AGBL4: variants seen among roughly 807,000 people sequenced by gnomAD.
The protein encoded by AGBL4 is AGBL carboxypeptidase 4.
AGBL4 carries 58 observed loss-of-function variants against 66.4 expected under a neutral mutation model. The observed-to-expected ratio is 0.87, with a 90% confidence interval of 0.71 to 1.09. The LOEUF is 1.09. Among genes scored for constraint, AGBL4 ranks in the 50% least tolerant of loss-of-function variants. The pLI is 0.00. For synonymous variants in AGBL4, 234 were observed against 222.9 expected (o/e 1.05, Z -0.44); for missense variants, 579 against 631.0 (o/e 0.92, Z 0.88).
intron 4 of AGBL4, among the ~76,000 whole-genome samples, chr1:49,233,330 G>A (rs1215592574): frequency 6.6e-6 from 1 of 152,136 alleles, no homozygotes; most frequent in African/African-American, 2.4e-5. Context: ...CTAATTGAAA[G>A]ACAATTCAAG....
intron 8 of AGBL4, among the ~76,000 whole-genome samples, chr1:48,647,148 G>C (rs1207640873): frequency 1.3e-5 from 2 of 152,200 alleles, no homozygotes; most frequent in Non-Finnish European, 2.9e-5. Flanking sequence ...ATGATGGAGA[G>C]AGTCTGCAGA....
chr1:49,593,783 A>G (rs1644799829), intron 3 of AGBL4, among the ~76,000 whole-genome samples: 1 of 152,222 alleles, frequency 6.6e-6, no homozygotes, highest in South Asian at 2.1e-4. Flanking sequence ...AATATCCTTC[A>G]AAGAGTGCCT....
chr1:49,465,102 A>G (rs1293266752), intron 3 of AGBL4, among the ~76,000 whole-genome samples: 3 of 151,616 alleles, frequency 2.0e-5, no homozygotes, highest in Non-Finnish European at 2.9e-5. Flanking sequence ...TGGGTGAGGT[A>G]CATACACTGT....
At chr1:48,542,977 A>C (rs535782140) in intron 11 of AGBL4, among the ~76,000 whole-genome samples, 1 of 152,320 alleles carries the variant, frequency 6.6e-6, no homozygotes, top group South Asian at 2.1e-4. Context: ...AACCCAATGA[A>C]GTAGGTATAT....
At chr1:49,947,989 T>TATAA (rs1655440801) in intron 1 of AGBL4, among the ~76,000 whole-genome samples, 1 of 61,512 alleles carries the variant, frequency 1.6e-5, no homozygotes, top group African/African-American at 7.6e-5. Flanking sequence ...AATATATATT[T>TATAA]ATATATATAA....
chr1:48,698,824 AT>A (rs1475526063), intron 6 of AGBL4, among the ~76,000 whole-genome samples: 6 of 152,204 alleles, frequency 3.9e-5, no homozygotes, highest in Non-Finnish European at 1.5e-5. Flanking sequence ...ATAGATGAGA[AT>A]GCTAAGGCCC....
At chr1:49,761,745 T>C (rs1187940769) in intron 2 of AGBL4, among the ~76,000 whole-genome samples, 1 of 152,204 alleles carries the variant, frequency 6.6e-6, no homozygotes, top group African/African-American at 2.4e-5. Context: ...AAATATATAA[T>C]GCTTTACTGT....
chr1:49,717,242 G>A (rs1648219856), intron 2 of AGBL4, among the ~76,000 whole-genome samples: 1 of 152,068 alleles, frequency 6.6e-6, no homozygotes, highest in Non-Finnish European at 1.5e-5. Flanking sequence ...CATGCTTATG[G>A]ATAGGAAGAA....
At chr1:49,596,027 G>T (rs1175815634) in intron 3 of AGBL4, among the ~76,000 whole-genome samples, 1 of 152,080 alleles carries the variant, frequency 6.6e-6, no homozygotes, top group Non-Finnish European at 1.5e-5. Flanking sequence ...GTTATTGTAT[G>T]AGAGAGGCAG....
chr1:49,474,387 G>A (rs1051895087), intron 3 of AGBL4, among the ~76,000 whole-genome samples: 3 of 151,748 alleles, frequency 2.0e-5, no homozygotes, highest in African/African-American at 7.3e-5. Context: ...TGTGTAAATT[G>A]TAAATGGGAT....
intron 5 of AGBL4, among the ~76,000 whole-genome samples, chr1:49,005,715 C>G (rs1661735593): frequency 6.6e-6 from 1 of 152,130 alleles, no homozygotes; most frequent in African/African-American, 2.4e-5. Context: ...TGGTTTCAGA[C>G]ATTCACTGAG....
At chr1:49,551,978 A>C (rs1652993080) in intron 3 of AGBL4, among the ~76,000 whole-genome samples, 2 of 152,050 alleles carry the variant, frequency 1.3e-5, no homozygotes, top group Admixed American at 6.5e-5. Flanking sequence ...TGCAGCTGCT[A>C]TGGGGGATGG....
At chr1:48,576,310 C>A (rs1216673126) in intron 11 of AGBL4, among the ~76,000 whole-genome samples, 3 of 152,170 alleles carry the variant, frequency 2.0e-5, no homozygotes, top group African/African-American at 4.8e-5. Flanking sequence ...TGAGGTGGAA[C>A]AGTTTCATCC....
intron 6 of AGBL4, among the ~76,000 whole-genome samples, chr1:48,721,844 C>T (rs946122811): frequency 6.6e-6 from 1 of 152,164 alleles, no homozygotes; most frequent in Non-Finnish European, 1.5e-5. Flanking sequence ...TGGATTGGGC[C>T]CCAGTCTCCT....
intron 1 of AGBL4, among the ~76,000 whole-genome samples, chr1:50,016,574 A>G (rs1280693709): frequency 6.6e-6 from 1 of 152,174 alleles, no homozygotes; most frequent in Non-Finnish European, 1.5e-5. Context: ...AAAATAATAA[A>G]TAAAAATAAT....
rs1645752740 is a variant in AGBL4 at position 48,799,010 on chromosome 1, G to T, written c.634+68181C>A. Among the ~76,000 whole-genome samples the T allele has an allele frequency of 2.0e-5, 3 of 152,112 alleles. No individual in the cohort carries two copies. In the South Asian group the frequency reaches 6.2e-4, roughly 32 times the overall value. The stretch of plus-strand genomic sequence containing the variant: ...CTTTGACTACGCAGGCTCTTTTTTG[G>T]TTCCATATGAATTTTAGGATTGTTT... On this transcript the variant is annotated intron_variant, in intron 6 of 13. Transcript: ENST00000371839.
At chr1:48,985,554 G>A (rs1660119712) in intron 5 of AGBL4, among the ~76,000 whole-genome samples, 1 of 152,124 alleles carries the variant, frequency 6.6e-6, no homozygotes, top group Non-Finnish European at 1.5e-5. Flanking sequence ...TCAGAAGGAA[G>A]GGACTGGCCT....
At chr1:49,006,752 C>A (rs1418874997) in intron 5 of AGBL4, among the ~76,000 whole-genome samples, 126 of 152,006 alleles carry the variant, frequency 8.3e-4, no homozygotes, top group African/African-American at 2.9e-3. Context: ...GGGAGGCACC[C>A]CCCAGCAGGG....
At chr1:49,796,326 C>T (rs1644728680) in intron 2 of AGBL4, among the ~76,000 whole-genome samples, 1 of 151,650 alleles carries the variant, frequency 6.6e-6, no homozygotes, top group Non-Finnish European at 1.5e-5. Flanking sequence ...ATCATAATTA[C>T]ACTTCTAAGT....
Sources: allele counts gnomAD v4.1 joint callset (sites outside exome capture counted in the v4.1 genomes callset), GRCh38; gene constraint gnomAD v4.1.1; transcripts MANE v1.5; gene names NCBI Gene and HGNC (gene_info 2026-07-23, HGNC 2026-07-21).